ANPEP: variants seen among roughly 807,000 people sequenced by gnomAD.
ANPEP encodes aminopeptidase N.
Under a neutral mutation model 114.6 loss-of-function variants are expected in ANPEP, and 70 were observed. The observed-to-expected ratio is 0.61, with a 90% CI of 0.50 to 0.75. The LOEUF (loss-of-function observed/expected upper bound fraction) is 0.75. ANPEP is among the 30% of genes least tolerant of loss of function. The pLI is 0.00. For missense variants in ANPEP, 1,184 were observed against 1,259.5 expected, an observed-to-expected ratio of 0.94 and a Z score of 0.91; for synonymous variants, 548 against 522.3, an observed-to-expected ratio of 1.05 and a Z score of -0.67.
Position 89,793,057 on chromosome 15 carries a change from T to C in ANPEP, c.2227A>G (p.Ile743Val). The C allele has an allele frequency of 6.2e-7, 1 of 1,614,122 alleles. No individual in the cohort carries two copies. The highest frequency in any genetic ancestry group is 8.5e-7 in the Non-Finnish European group (1 of 1,179,970). Reference sequence around the variant, plus strand: ...CACTGGTCCATCAGGTTTTCTGGGATCTCCCTCCAGTTGTTGGTATTATTT... The same window carrying C: ...CACTGGTCCATCAGGTTTTCTGGGACCTCCCTCCAGTTGTTGGTATTATTT... Reference protein sequence around the residue: ...FRNNTNNWREIPENLMDQYSE... With the variant: ...FRNNTNNWREVPENLMDQYSE... Residue 743 changes from isoleucine (I) to valine (V), a missense_variant, in exon 16 of 21, where the codon ATC becomes GTC. Ile to Val is a conservative substitution (Grantham distance 29, BLOSUM62 3). Transcript: ENST00000300060.
At chr15:89,807,658 A>C (rs72754572) in intron 1 of ANPEP, among the ~76,000 whole-genome samples, 9,572 of 152,244 alleles carry the variant, frequency 0.063, 348 homozygotes, top group Non-Finnish European at 0.085. Flanking sequence ...CTGAGATCGC[A>C]CCACTGCACT....
At position 89,806,532 on chromosome 15, in the gene ANPEP, G is replaced by A. The variant is rs758635460; in HGVS notation, c.52C>T (p.Leu18=). ...SKSLGILGIL[L]GVAAVCTIIA... ...ATTGTGCACACGGCTGCCACGCCCAGGAGGATCCCCAGGATGCCCAGGGAC... is the reference window on the plus strand; with the variant it reads ...ATTGTGCACACGGCTGCCACGCCCAAGAGGATCCCCAGGATGCCCAGGGAC... The change falls in exon 2 of 21, where the codon CTG becomes TTG. Residue 18 remains leucine, a synonymous_variant. Transcript: ENST00000300060. This position sits in a 1 kb window ranked among gnomAD's most constrained non-coding sequence, Gnocchi z 5.7. The A allele has an allele frequency of 3.1e-6, 5 of 1,612,954 alleles. No individual in the cohort carries two copies. Among genetic ancestry groups the A allele is most frequent in the Non-Finnish European group, 4.2e-6 (5 of 1,179,218 alleles).
intron 19 of ANPEP, 36 bp downstream of exon 19, chr15:89,790,917 C>T (rs182894281): frequency 1.6e-5 from 26 of 1,605,798 alleles, no homozygotes; most frequent in Admixed American, 3.4e-5. Flanking sequence ...CCAGCCTCGG[C>T]GCTCGCTGTC....
chr15:89,804,422 C>T lies in ANPEP; in HGVS notation c.1025-15G>A, dbSNP rs770517431. The stretch of plus-strand genomic sequence containing the variant: ...GCCAATCTGGTCTGGGGAGGCGATG[C>T]CATTGGCAGGATGAACTCCGGGAGT... On this transcript the variant is annotated splice_polypyrimidine_tract_variant and intron_variant, in intron 5 of 20. Transcript: ENST00000300060. 161 of 1,614,014 alleles carry T rather than the reference C, an allele frequency of 1.0e-4. No homozygotes were observed. The highest frequency in any genetic ancestry group is 1.3e-4 in the Non-Finnish European group (156 of 1,179,970).
chr15:89,795,414 A>G (rs936972986), intron 15 of ANPEP, among the ~76,000 whole-genome samples: 20 of 152,194 alleles, frequency 1.3e-4, no homozygotes, highest in African/African-American at 4.1e-4. Context: ...TTAAAGAAGC[A>G]ATACAAAATC....
At position 89,806,421 on chromosome 15, in the gene ANPEP, C is replaced by T. The variant is rs1389076356; in HGVS notation, c.163G>A (p.Ala55Thr). 1 of 1,614,050 alleles carries T rather than the reference C, an allele frequency of 6.2e-7. No individual in the cohort carries two copies. ...PVASTTPSAS[A>T]TTNPASATTL... ...GTGGCCGAGGCGGGGTTGGTGGTGG[C>T]TGAGGCGGACGGGGTGGTGGAGGCC... is the stretch of plus-strand genomic sequence containing the variant. Residue 55 changes from alanine (A) to threonine (T), a missense_variant, in exon 2 of 21, where the codon GCC becomes ACC. Transcript: ENST00000300060. This position sits in a 1 kb window ranked among gnomAD's most constrained non-coding sequence, Gnocchi z 5.7.
intron 10 of ANPEP, among the ~76,000 whole-genome samples, chr15:89,802,241 G>C (rs547804419): frequency 6.6e-6 from 1 of 152,144 alleles, no homozygotes; most frequent in Admixed American, 6.5e-5. Context: ...AGGGTCTCAG[G>C]AAAGAGGAGT....
At chr15:89,788,071 T>G (rs1824691916) in intron 20 of ANPEP, among the ~76,000 whole-genome samples, 1 of 152,230 alleles carries the variant, frequency 6.6e-6, no homozygotes, top group Non-Finnish European at 1.5e-5. Context: ...GGAAAACATT[T>G]TGTCAGTTTC....
In ANPEP at chr15:89,785,271, G is replaced by C; in HGVS notation, c.*78C>G. 26 of 1,566,712 alleles carry C rather than the reference G, an allele frequency of 1.7e-5. No homozygotes were observed. The highest frequency in any genetic ancestry group is 2.3e-5 in the Non-Finnish European group (26 of 1,145,296). ...CACTGGTGCCTCGGGCTCCAGGAAT[G>C]GAGGCCCTGCACCAGCCGCTGGGAT... On this transcript the variant is annotated 3_prime_UTR_variant, in exon 21 of 21. Transcript: ENST00000300060.
At position 89,806,010 on chromosome 15, in the gene ANPEP, C is replaced by T. The variant is rs1894704071; in HGVS notation, c.574G>A (p.Gly192Ser). 1.2e-6 allele frequency: 2 copies of T among 1,607,632 alleles called. No individual in the cohort carries two copies. Among genetic ancestry groups the T allele is most frequent in the African/African-American group, 1.3e-5 (1 of 74,804 alleles). Residue 192 changes from glycine to serine, a missense_variant, in exon 2 of 21, where the codon GGC becomes AGC. Physicochemically the swap from Gly to Ser is moderately conservative, Grantham distance 56. Coordinates refer to ENST00000300060, the MANE Select transcript of ANPEP (RefSeq NM_001150.3). This position sits in a 1 kb window ranked among gnomAD's most constrained non-coding sequence, Gnocchi z 5.7. ...FEGELADDLA[G>S]FYRSEYMEGN... Reference sequence around the variant, plus strand: ...TCCATGTACTCGCTGCGGTAGAAGCCCGCCAGGTCATCTGCCAACTCCCCC... The same window carrying T: ...TCCATGTACTCGCTGCGGTAGAAGCTCGCCAGGTCATCTGCCAACTCCCCC...
chr15:89,798,636 C>CAA (rs147807261), intron 14 of ANPEP, among the ~76,000 whole-genome samples: 2 of 138,730 alleles, frequency 1.4e-5, no homozygotes, highest in Admixed American at 7.3e-5. Flanking sequence ...GACTCCATCT[C>CAA]AAAAAAAAAA....
chr15:89,803,700 TC>T lies in ANPEP; in HGVS notation c.1383del (p.Ile462SerfsTer54). 1 of 1,613,276 alleles carries T rather than the reference TC, an allele frequency of 6.2e-7. No individual in the cohort carries two copies. Among genetic ancestry groups the T allele is most frequent in the Non-Finnish European group, 8.5e-7 (1 of 1,179,620 alleles). ...TCACTGATCTGGGCCGGCGTGTTGATCTCCGAGGCGGGTGTGGACAGCGGGT... is the reference window on the plus strand; with the variant it reads ...TCACTGATCTGGGCCGGCGTGTTGATTCCGAGGCGGGTGTGGACAGCGGGT... Reference protein sequence around the residue: ...SSHPLSTPASEINTPAQISEL... With the variant: ...SSHPLSTPASXINTPAQISEL... On this transcript the variant is annotated frameshift_variant, in exon 8 of 21. Transcript: ENST00000300060. LOFTEE classifies it high-confidence loss of function. This position sits in a 1 kb window ranked among gnomAD's most constrained non-coding sequence, Gnocchi z 4.2.
rs1442882453 is a variant in ANPEP at position 89,799,744 on chromosome 15, C to T, written c.1820-185G>A. ...TGCCAGTGGCTTCACAGACCATCAA[C>T]CCATGAAGATGACATGCCACCCCAA... On this transcript the variant is annotated intron_variant, in intron 12 of 20. Transcript: ENST00000300060. The surrounding 1 kb of genome is among the most constrained non-coding windows in gnomAD (Gnocchi z 4.2). 6.6e-6 allele frequency among the ~76,000 whole-genome samples: 1 copy of T among 152,152 alleles called. No individual in the cohort carries two copies. The highest frequency in any genetic ancestry group is 1.5e-5 in the Non-Finnish European group (1 of 68,034).
intron 15 of ANPEP, among the ~76,000 whole-genome samples, chr15:89,795,091 G>GAAAAAAAAA (rs57368902): frequency 1.5e-5 from 2 of 130,340 alleles, no homozygotes; most frequent in African/African-American, 2.8e-5. Context: ...CGAGTCAATG[G>GAAAAAAAAA]AAAAAAAAAA....
At chr15:89,808,745 GCCTCACTC>G (rs890185035) in intron 1 of ANPEP, among the ~76,000 whole-genome samples, 5 of 152,286 alleles carry the variant, frequency 3.3e-5, no homozygotes, top group African/African-American at 1.2e-4. Flanking sequence ...CTCCCTGAGG[GCCTCACTC>G]GTCTGCCACC....
Position 89,792,310 on chromosome 15 carries a change from C to A in ANPEP, c.2378G>T (p.Arg793Leu). ...GATAGCGTTGCAGTAGACGGTGGAC[C>A]GCAGGTTGGGGTGGATCCTGGTGTG... ...PNNNPIHPNL[R>L]STVYCNAIAQ... Residue 793 changes from arginine (R) to leucine (L), a missense_variant, in exon 18 of 21, where the codon CGG (arginine) becomes CTG (leucine). Physicochemically the swap from Arg to Leu is moderately radical, Grantham distance 102 (BLOSUM62 -2). Transcript: ENST00000300060. The A allele has an allele frequency of 6.2e-7, 1 of 1,614,124 alleles. No homozygotes were observed. The highest frequency in any genetic ancestry group is 8.5e-7 in the Non-Finnish European group (1 of 1,179,994).
Position 89,804,319 on chromosome 15 carries a change from G to A in ANPEP, c.1113C>T (p.Pro371=), listed in dbSNP as rs891551098. The A allele has an allele frequency of 1.2e-6, 2 of 1,614,068 alleles. No homozygotes were observed. The highest frequency in any genetic ancestry group is 1.7e-6 in the Non-Finnish European group (2 of 1,180,030). Residue 371 remains proline, a synonymous_variant, in exon 6 of 21, where the codon CCC becomes CCT. Coordinates refer to ENST00000300060, the MANE Select transcript of ANPEP (RefSeq NM_001150.3). ...TYRENSLLFD[P]LSSSSSNKER... ...CCTTGTTGCTGCTGGAGGAGGACAG[G>A]GGGTCGAACAGCAGGGAGTTCTCCC...
Position 89,799,033 on chromosome 15 carries a change from G to C in ANPEP, c.2009+227C>G, listed in dbSNP as rs1017142594. 1.3e-4 allele frequency among the ~76,000 whole-genome samples: 20 copies of C among 152,342 alleles called. No individual in the cohort carries two copies. The highest frequency in any genetic ancestry group is 4.3e-4 in the African/African-American group (18 of 41,582). ...TGGCTTTGGAGTTGGACAAGCCTCT[G>C]TCTGGCTGTCATGAACTACTGTGTG... On this transcript the variant is annotated intron_variant, in intron 14 of 20. Coordinates refer to ENST00000300060, the MANE Select transcript of ANPEP (RefSeq NM_001150.3). This position sits in a 1 kb window ranked among gnomAD's most constrained non-coding sequence, Gnocchi z 4.2.
In ANPEP at chr15:89,804,197, C is replaced by T. The variant is rs887855204; in HGVS notation, c.1179+56G>A. 61 of 1,605,298 alleles carry T rather than the reference C, an allele frequency of 3.8e-5. 2 individuals are homozygous for T. In the Middle Eastern group the frequency reaches 1.7e-3, roughly 44 times the overall value. ...CCCGGGGCAGAGCCTGGACTTGCGCCGTCTCCTCTCGGAGCCCCTGTTTCC... is the reference window on the plus strand; with the variant it reads ...CCCGGGGCAGAGCCTGGACTTGCGCTGTCTCCTCTCGGAGCCCCTGTTTCC... On this transcript the variant is annotated intron_variant, in intron 6 of 20. Coordinates refer to ENST00000300060, the MANE Select transcript of ANPEP (RefSeq NM_001150.3).
Sources: allele counts gnomAD v4.1 joint callset (sites outside exome capture counted in the v4.1 genomes callset), GRCh38; gene constraint gnomAD v4.1.1; non-coding constraint Gnocchi (gnomAD v3.1); transcripts MANE v1.5; gene names NCBI Gene and HGNC (gene_info 2026-07-23, HGNC 2026-07-21).